Variants in EPS8 observed in about 807,000 individuals in gnomAD.
EPS8 encodes the protein epidermal growth factor receptor kinase substrate 8.
A neutral mutation model predicts 103.8 loss-of-function variants in EPS8; 42 were observed. The observed-to-expected ratio is 0.40, with a 90% CI of 0.32 to 0.52. EPS8 has a LOEUF of 0.52. Ranked by LOEUF, EPS8 falls within the 20% of genes least tolerant of loss-of-function variation. The pLI is 0.40. For synonymous variants in EPS8, 344 were observed against 344.6 expected (o/e 1.00, Z 0.02); for missense variants, 969 against 1,005.1 (o/e 0.96, Z 0.49).
rs1416088828 is a variant in EPS8 at position 15,688,358 on chromosome 12, A to G, written c.-21-5386T>C. Among the ~76,000 whole-genome samples the G allele has an allele frequency of 2.0e-5, 3 of 152,132 alleles. No homozygotes were observed. The highest frequency in any genetic ancestry group is 4.8e-5 in the African/African-American group (2 of 41,434). ...CCTTTAAATAATACAGAAGTGGGGAAAGGAAGTGCTGGGTAGAGGAAGGCG... is the reference window on the plus strand; with the variant it reads ...CCTTTAAATAATACAGAAGTGGGGAGAGGAAGTGCTGGGTAGAGGAAGGCG... On this transcript the variant is annotated intron_variant, in intron 1 of 20. Coordinates refer to ENST00000281172, the MANE Select transcript of EPS8 (RefSeq NM_004447.6). The surrounding 1 kb of genome is among the most constrained non-coding windows in gnomAD (Gnocchi z 5.1).
chr12:15,738,927 A>G lies in EPS8; in HGVS notation c.-22+50234T>C, dbSNP rs1382365186. Among the ~76,000 whole-genome samples, 2 of 152,218 alleles carry G rather than the reference A, an allele frequency of 1.3e-5. No individual in the cohort carries two copies. The highest frequency in any genetic ancestry group is 4.8e-5 in the African/African-American group (2 of 41,462). On this transcript the variant is annotated intron_variant, in intron 1 of 20. Transcript: ENST00000281172. This position sits in a 1 kb window ranked among gnomAD's most constrained non-coding sequence, Gnocchi z 6.2. ...TACCAAACCTGAGACACGACTCTCA[A>G]GAGACTTTCATTTGGTCTTATTCTG...
At position 15,745,709 on chromosome 12, in the gene EPS8, C is replaced by T. The variant is rs1435627647; in HGVS notation, c.-22+43452G>A. 2.0e-5 allele frequency among the ~76,000 whole-genome samples: 3 copies of T among 152,188 alleles called. No individual in the cohort carries two copies. Among genetic ancestry groups the T allele is most frequent in the African/African-American group, 7.2e-5 (3 of 41,456 alleles). On this transcript the variant is annotated intron_variant, in intron 1 of 20. Transcript: ENST00000281172. The surrounding 1 kb of genome is among the most constrained non-coding windows in gnomAD (Gnocchi z 4.6). Reference sequence around the variant, plus strand: ...CACAAAGAGAAATTAAACAAAGACACTGCCCCATCTTTAAAATTTTCATAG... The same window carrying T: ...CACAAAGAGAAATTAAACAAAGACATTGCCCCATCTTTAAAATTTTCATAG...
chr12:15,782,459 G>A lies in EPS8; in HGVS notation c.-22+6702C>T, dbSNP rs752560198. On this transcript the variant is annotated intron_variant, in intron 1 of 20. Coordinates refer to ENST00000281172, the MANE Select transcript of EPS8 (RefSeq NM_004447.6). ...GAGGCTGCAGTAGGCCCAAGATGGC[G>A]CCACTGCACTCCAGCCTGGGTGACA... 1.9e-4 allele frequency among the ~76,000 whole-genome samples: 29 copies of A among 152,190 alleles called. No homozygotes were observed. In the East Asian group the frequency reaches 3.1e-3, roughly 16 times the overall value.
chr12:15,692,270 A>G (rs750065018), intron 1 of EPS8, among the ~76,000 whole-genome samples: 1 of 150,924 alleles, frequency 6.6e-6, no homozygotes, highest in African/African-American at 2.4e-5. Context: ...ACCTTTACAC[A>G]TGATGGACCG....
rs1946642372 is a variant in EPS8, at chr12:15,725,471, C to G, written c.-21-42499G>C. Reference sequence around the variant, plus strand: ...TGTCTCAAAAAAAAAAGGAAAAAAACTAAAAAAAAAAAAAAAATCTGCATG... The same window carrying G: ...TGTCTCAAAAAAAAAAGGAAAAAAAGTAAAAAAAAAAAAAAAATCTGCATG... On this transcript the variant is annotated intron_variant, in intron 1 of 20. Coordinates refer to ENST00000281172, the MANE Select transcript of EPS8 (RefSeq NM_004447.6). This position sits in a 1 kb window ranked among gnomAD's most constrained non-coding sequence, Gnocchi z 4.5. Among the ~76,000 whole-genome samples the G allele has an allele frequency of 6.8e-6, 1 of 146,062 alleles. No individual in the cohort carries two copies. Among genetic ancestry groups the G allele is most frequent in the African/African-American group, 2.5e-5 (1 of 39,490 alleles).
chr12:15,640,002 G>T (rs1284757640), intron 17 of EPS8, among the ~76,000 whole-genome samples: 4 of 152,152 alleles, frequency 2.6e-5, no homozygotes, highest in Non-Finnish European at 5.9e-5. Flanking sequence ...CCTGGCACAG[G>T]TCTAAAATTC....
Position 15,647,103 on chromosome 12 carries a change from C to T in EPS8, c.1568+24G>A, listed in dbSNP as rs762401380. On this transcript the variant is annotated intron_variant, in intron 15 of 20. Transcript: ENST00000281172. ...TCAGAGACATTTATCCACAGCTCTC[C>T]AAAGGGTGCCCATTAAATGTTACCT... 4.4e-6 allele frequency: 7 copies of T among 1,606,238 alleles called. No homozygotes were observed. In the Admixed American group the frequency reaches 1.2e-4, roughly 27 times the overall value.
rs556651475 is a variant in EPS8, at chr12:15,740,579, A to ATAAAT, written c.-22+48577_-22+48581dup. Among the ~76,000 whole-genome samples, 1,273 of 150,938 alleles carry ATAAAT rather than the reference A, an allele frequency of 8.4e-3. 14 individuals carry two copies. The highest frequency in any genetic ancestry group is 0.014 in the Non-Finnish European group (934 of 67,640). Reference sequence around the variant, plus strand: ...AAAAATAATAAAAATAAATAAATAAATAAATAAATAAATAAATAAATAGGA... The same window carrying ATAAAT: ...AAAAATAATAAAAATAAATAAATAAATAAATTAAATAAATAAATAAATAAATAGGA... On this transcript the variant is annotated intron_variant, in intron 1 of 20. Coordinates refer to ENST00000281172, the MANE Select transcript of EPS8 (RefSeq NM_004447.6).
intron 1 of EPS8, among the ~76,000 whole-genome samples, chr12:15,766,441 C>T (rs959708567): frequency 2.1e-5 from 3 of 142,108 alleles, no homozygotes; most frequent in Admixed American, 6.9e-5. Context: ...TGCAGTGAGC[C>T]GAGCCGAGAT....
rs1486588362 is a variant in EPS8 at position 15,731,068 on chromosome 12, T to G, written c.-21-48096A>C. ...TGTGCAAAAAGTTCAGTCAAAAATATATATCATAGTACCTTAAAGGCATAT... is the reference window on the plus strand; with the variant it reads ...TGTGCAAAAAGTTCAGTCAAAAATAGATATCATAGTACCTTAAAGGCATAT... On this transcript the variant is annotated intron_variant, in intron 1 of 20. Coordinates refer to ENST00000281172, the MANE Select transcript of EPS8 (RefSeq NM_004447.6). This position sits in a 1 kb window ranked among gnomAD's most constrained non-coding sequence, Gnocchi z 5.1. Among the ~76,000 whole-genome samples the G allele has an allele frequency of 1.3e-5, 2 of 152,178 alleles. No homozygotes were observed. The highest frequency in any genetic ancestry group is 2.4e-5 in the African/African-American group (1 of 41,452).
intron 1 of EPS8, among the ~76,000 whole-genome samples, chr12:15,740,596 T>G (rs1946811128): frequency 6.6e-6 from 1 of 150,488 alleles, no homozygotes; most frequent in East Asian, 1.9e-4. Flanking sequence ...AATAAATAAA[T>G]AAATAGGAAG....
chr12:15,722,068 T>C (rs1195613090), intron 1 of EPS8, among the ~76,000 whole-genome samples: 3 of 151,852 alleles, frequency 2.0e-5, no homozygotes, highest in Non-Finnish European at 4.4e-5. Flanking sequence ...CATTGCACTA[T>C]GAATGATTTC....
chr12:15,703,241 A>G (rs1946335508), intron 1 of EPS8, among the ~76,000 whole-genome samples: 1 of 152,246 alleles, frequency 6.6e-6, no homozygotes. Flanking sequence ...GCTTTGCATG[A>G]TGACATATAA....
chr12:15,744,623 C>G (rs1946857494), intron 1 of EPS8, among the ~76,000 whole-genome samples: 1 of 152,030 alleles, frequency 6.6e-6, no homozygotes, highest in South Asian at 2.1e-4. Flanking sequence ...TTTCCTATTT[C>G]AAGAGATAAG....
chr12:15,664,008 T>C (rs1400400101), intron 8 of EPS8, among the ~76,000 whole-genome samples: 3 of 143,128 alleles, frequency 2.1e-5, no homozygotes, highest in Non-Finnish European at 4.5e-5. Context: ...GTTCAACATA[T>C]AATATACATA....
chr12:15,753,576 C>T (rs1461271783), intron 1 of EPS8, among the ~76,000 whole-genome samples: 2 of 152,180 alleles, frequency 1.3e-5, no homozygotes, highest in Non-Finnish European at 2.9e-5. Flanking sequence ...ACCTTGGATG[C>T]TCATTTCCAT....
Position 15,764,824 on chromosome 12 carries a change from G to C in EPS8, c.-22+24337C>G, listed in dbSNP as rs921583939. Among the ~76,000 whole-genome samples, 1 of 151,982 alleles carries C rather than the reference G, an allele frequency of 6.6e-6. No homozygotes were observed. The highest frequency in any genetic ancestry group is 1.5e-5 in the Non-Finnish European group (1 of 67,992). ...AGAACATCAGGTCTCATACTTTCTG[G>C]GGAATGAAGATCTAATACAAGTAAT... On this transcript the variant is annotated intron_variant, in intron 1 of 20. Coordinates refer to ENST00000281172, the MANE Select transcript of EPS8 (RefSeq NM_004447.6). This position sits in a 1 kb window ranked among gnomAD's most constrained non-coding sequence, Gnocchi z 4.1.
Position 15,771,928 on chromosome 12 carries a change from TC to T in EPS8, c.-22+17232del, listed in dbSNP as rs1279494976. Among the ~76,000 whole-genome samples, 1 of 151,922 alleles carries T rather than the reference TC, an allele frequency of 6.6e-6. No homozygotes were observed. The highest frequency in any genetic ancestry group is 2.4e-5 in the African/African-American group (1 of 41,346). On this transcript the variant is annotated intron_variant, in intron 1 of 20. Transcript: ENST00000281172. This position sits in a 1 kb window ranked among gnomAD's most constrained non-coding sequence, Gnocchi z 4.6. ...TCACGAGGTCAGGAGATCGAGACCA[TC>T]CTGGCTAATGCGGTGAAACCCCGTC...
intron 4 of EPS8, among the ~76,000 whole-genome samples, chr12:15,670,271 G>C (rs1945792693): frequency 6.6e-6 from 1 of 152,050 alleles, no homozygotes; most frequent in South Asian, 2.1e-4. Context: ...TAGTCTATAG[G>C]AACTGTCAAA....
Sources: gnomAD v4.1 joint callset for allele counts (sites outside exome capture counted in the v4.1 genomes callset) on GRCh38, gnomAD v4.1.1 for gene constraint, Gnocchi (gnomAD v3.1) non-coding constraint, MANE v1.5 for transcripts, NCBI Gene and HGNC (gene_info 2026-07-23, HGNC 2026-07-21) for gene names.